The following WWC2 variants were observed in gnomAD, a reference collection of about 807,000 sequenced individuals.
WWC2 encodes the protein protein WWC2.
A neutral mutation model predicts 138.5 loss-of-function variants in WWC2; 101 were observed. That is an observed-to-expected ratio of 0.73 (90% CI 0.62 to 0.86). The LOEUF is 0.86. Among genes scored for constraint, WWC2 ranks in the 40% least tolerant of loss-of-function variants. WWC2 has a pLI of 0.00. For synonymous variants in WWC2, 558 were observed against 538.4 expected (o/e 1.04, Z -0.50); for missense variants, 1,420 against 1,419.4 (o/e 1.00, Z -0.01).
In WWC2 at chr4:183,261,516, A is replaced by G. The variant is rs1395296584; in HGVS notation, c.1893A>G (p.Leu631=). The G allele has an allele frequency of 6.2e-7, 1 of 1,611,590 alleles. No homozygotes were observed. Among genetic ancestry groups the G allele is most frequent in the Middle Eastern group, 1.7e-4 (1 of 6,058 alleles). Residue 631 remains leucine, a synonymous_variant, in exon 11 of 23, where the codon TTA becomes TTG. Coordinates refer to ENST00000403733, the MANE Select transcript of WWC2 (RefSeq NM_024949.6). ...TTAATGAATGTGCTAGGGAGCCATT[A>G]TATGAAGGAACTGCAGGTAAATGCA... ...KDLNECAREP[L]YEGTADVEKS...
intron 1 of WWC2, among the ~76,000 whole-genome samples, chr4:183,186,396 G>A (rs1734801427): frequency 6.6e-6 from 1 of 152,176 alleles, no homozygotes; most frequent in Non-Finnish European, 1.5e-5. Flanking sequence ...AGGATTAAGT[G>A]TTAGATGGCA....
Position 183,286,029 on chromosome 4 carries a change from C to T in WWC2, c.3111C>T (p.Ser1037=). 6.3e-7 allele frequency: 1 copy of T among 1,588,656 alleles called. No individual in the cohort carries two copies. The highest frequency in any genetic ancestry group is 8.6e-7 in the Non-Finnish European group (1 of 1,166,224). The change falls in exon 20 of 23, where the codon TCC becomes TCT. Residue 1037 remains serine (S), a synonymous_variant. Transcript: ENST00000403733. Reference sequence around the variant, plus strand: ...AAAAATCACTGTTTGTGAGAAACTCCACCGAACGCCGCAGTTTGAGGGTCA... The same window carrying T: ...AAAAATCACTGTTTGTGAGAAACTCTACCGAACGCCGCAGTTTGAGGGTCA... ...LAKKSLFVRN[S]TERRSLRVKR... is the part of the protein sequence containing the mutation.
chr4:183,315,561 C>G, intron 22 of WWC2, 102 bp from the exon 23 acceptor site: 1 of 806,256 alleles, frequency 1.2e-6, no homozygotes, highest in Non-Finnish European at 2.0e-6. Context: ...CCTGTGCTTG[C>G]AGAGACATCA....
intron 1 of WWC2, among the ~76,000 whole-genome samples, chr4:183,141,645 G>C (rs56128601): frequency 6.6e-6 from 1 of 152,112 alleles, no homozygotes; most frequent in Admixed American, 6.5e-5. Flanking sequence ...TTATTTCAAA[G>C]TATTTGCCAT....
chr4:183,209,225 A>G (rs556554198), intron 4 of WWC2, among the ~76,000 whole-genome samples, 200 bp downstream of exon 4: 2 of 152,184 alleles, frequency 1.3e-5, no homozygotes, highest in African/African-American at 4.8e-5. Context: ...AATGTGTTCC[A>G]CTATTGGGTA....
At chr4:183,250,913 C>T (rs1026300856) in intron 8 of WWC2, among the ~76,000 whole-genome samples, 2 of 152,036 alleles carry the variant, frequency 1.3e-5, no homozygotes, top group South Asian at 2.1e-4. Flanking sequence ...AGCAATTGGC[C>T]GTAGTCCTTA....
intron 21 of WWC2, among the ~76,000 whole-genome samples, chr4:183,299,459 TC>T (rs1738750375): frequency 6.6e-6 from 1 of 152,212 alleles, no homozygotes; most frequent in Admixed American, 6.5e-5. Context: ...GATTTGATTC[TC>T]CCTAGTGCAG....
At chr4:183,289,663 G>T (rs1405912811) in intron 21 of WWC2, 28 bp downstream of exon 21, 4 of 1,607,540 alleles carry the variant, frequency 2.5e-6, no homozygotes, top group Non-Finnish European at 3.4e-6. Flanking sequence ...TGTCATCTCG[G>T]AGGGGCTTAC....
chr4:183,197,303 G>A (rs1735171332), intron 2 of WWC2, among the ~76,000 whole-genome samples: 1 of 152,146 alleles, frequency 6.6e-6, no homozygotes, highest in Admixed American at 6.5e-5. Context: ...AAACGATCTG[G>A]TCCATTGTCT....
chr4:183,141,281 TC>T (rs895021696), intron 1 of WWC2, among the ~76,000 whole-genome samples: 43 of 152,298 alleles, frequency 2.8e-4, no homozygotes, highest in African/African-American at 9.6e-4. Flanking sequence ...TCTTGCTGTG[TC>T]CCCACATGGC....
Position 183,209,012 on chromosome 4 carries a change from C to T in WWC2, c.509C>T (p.Thr170Ile), listed in dbSNP as rs778464929. 1.9e-6 allele frequency: 3 copies of T among 1,569,902 alleles called. No individual in the cohort carries two copies. Among genetic ancestry groups the T allele is most frequent in the Non-Finnish European group, 2.6e-6 (3 of 1,154,640 alleles). ...DPDILKAEIS[T>I]TRLRVKKLKR... is the part of the protein sequence containing the mutation. ...GATATTTTAAAAGCTGAGATCTCCA[C>T]TACAAGATTAAGGGTAAGAAGTTTT... Residue 170 changes from threonine to isoleucine, a missense_variant, in exon 4 of 23, where the codon ACT becomes ATT. Coordinates refer to ENST00000403733, the MANE Select transcript of WWC2 (RefSeq NM_024949.6).
At chr4:183,107,420 T>C (rs894901474) in intron 1 of WWC2, among the ~76,000 whole-genome samples, 2 of 152,216 alleles carry the variant, frequency 1.3e-5, no homozygotes, top group African/African-American at 4.8e-5. Context: ...AGTGCTAGGA[T>C]TACAGATGTG....
chr4:183,201,210 C>A (rs1006912679), intron 2 of WWC2, among the ~76,000 whole-genome samples: 1 of 152,184 alleles, frequency 6.6e-6, no homozygotes, highest in African/African-American at 2.4e-5. Flanking sequence ...CTTGAAGATT[C>A]TTGGCTGGAG....
At position 183,160,134 on chromosome 4, in the gene WWC2, A is replaced by G. The variant is rs1365059088; in HGVS notation, c.132-33465A>G. ...GCCCTTCAGTCCACAAATCCTGTAT[A>G]AGTAACAAATGTGCATCATGATCAG... On this transcript the variant is annotated intron_variant, in intron 1 of 22. Coordinates refer to ENST00000403733, the MANE Select transcript of WWC2 (RefSeq NM_024949.6). Among the ~76,000 whole-genome samples the G allele has an allele frequency of 2.0e-5, 3 of 152,342 alleles. No individual in the cohort carries two copies. In the East Asian group the frequency reaches 5.8e-4, roughly 29 times the overall value.
At chr4:183,216,772 G>A (rs1735770189) in intron 4 of WWC2, among the ~76,000 whole-genome samples, 1 of 151,000 alleles carries the variant, frequency 6.6e-6, no homozygotes, top group Non-Finnish European at 1.5e-5. Context: ...GGAAATACCA[G>A]AGAGAAGGGA....
In WWC2 at chr4:183,265,921, A is replaced by C. The variant is rs571835860; in HGVS notation, c.2177A>C (p.His726Pro). Residue 726 changes from histidine to proline, a missense_variant, in exon 14 of 23, where the codon CAT becomes CCT. Physicochemically the swap from His to Pro is moderately conservative, Grantham distance 77 (BLOSUM62 -2). Coordinates refer to ENST00000403733, the MANE Select transcript of WWC2 (RefSeq NM_024949.6). ...ATTATAGCACAGCTCCGAAACCTTC[A>C]TGCCTTCTTGATACCTCATACTTCA... is the stretch of plus-strand genomic sequence containing the variant. ...MVIIAQLRNLHAFLIPHTSKV... is the reference protein window; with the variant it reads ...MVIIAQLRNLPAFLIPHTSKV... The C allele has an allele frequency of 6.2e-7, 1 of 1,613,318 alleles. No homozygotes were observed. The highest frequency in any genetic ancestry group is 1.3e-5 in the African/African-American group (1 of 75,064).
rs74967977 is a variant in WWC2 at position 183,304,130 on chromosome 4, C to G, written c.3385-8211C>G. On this transcript the variant is annotated intron_variant, in intron 21 of 22. Transcript: ENST00000403733. ...AAAAAAATTGAACAAAATGAAAAATCAATTCTTCTTAGATCAGTTAGAGAG... is the reference window on the plus strand; with the variant it reads ...AAAAAAATTGAACAAAATGAAAAATGAATTCTTCTTAGATCAGTTAGAGAG... Among the ~76,000 whole-genome samples the G allele has an allele frequency of 3.3e-5, 5 of 152,056 alleles. No individual in the cohort carries two copies. In the East Asian group the frequency reaches 9.7e-4, roughly 29 times the overall value.
At chr4:183,309,513 A>G (rs1350963284) in intron 21 of WWC2, among the ~76,000 whole-genome samples, 2 of 152,266 alleles carry the variant, frequency 1.3e-5, no homozygotes, top group Non-Finnish European at 2.9e-5. Context: ...TGCAGATTAA[A>G]GCAACAATGA....
At chr4:183,258,299 G>A (rs1320113980) in intron 9 of WWC2, among the ~76,000 whole-genome samples, 1 of 152,028 alleles carries the variant, frequency 6.6e-6, no homozygotes, top group African/African-American at 2.4e-5. Flanking sequence ...AATGACCGCT[G>A]CTTTTAAAAA....
Sources: gnomAD v4.1 joint callset for allele counts (sites outside exome capture counted in the v4.1 genomes callset) on GRCh38, gnomAD v4.1.1 for gene constraint, MANE v1.5 for transcripts, NCBI Gene and HGNC (gene_info 2026-07-23, HGNC 2026-07-21) for gene names.